GALNT13: variants seen among roughly 807,000 people sequenced by gnomAD.
GALNT13 encodes polypeptide N-acetylgalactosaminyltransferase 13.
A neutral mutation model predicts 64.2 loss-of-function variants in GALNT13; 28 were observed. The ratio of observed to expected loss-of-function variants is 0.44; its 90% CI spans 0.32 to 0.60. GALNT13 has a LOEUF of 0.60. GALNT13 is among the 20% of genes least tolerant of loss of function. The pLI, the probability that GALNT13 is intolerant of heterozygous loss-of-function variation, is 0.05. For synonymous variants in GALNT13, 214 were observed against 224.6 expected, an observed-to-expected ratio of 0.95 and a Z score of 0.42; for missense variants, 577 against 669.8, an observed-to-expected ratio of 0.86 and a Z score of 1.53.
chr2:153,910,236 G>A (rs1368958078), intron 2 of GALNT13, among the ~76,000 whole-genome samples: 2 of 151,976 alleles, frequency 1.3e-5, no homozygotes, highest in East Asian at 1.9e-4. Flanking sequence ...AGAGGTATTC[G>A]TAGTAGTCTC....
upstream of GALNT13, among the ~76,000 whole-genome samples, chr2:153,870,638 A>AAC (rs1217721769): frequency 1.3e-5 from 2 of 151,720 alleles, no homozygotes; most frequent in Non-Finnish European, 2.9e-5. Context: ...TACAGTTATT[A>AAC]ACATAGAAAT....
At chr2:154,429,017 C>T (rs982094563) in intron 11 of GALNT13, among the ~76,000 whole-genome samples, 1 of 151,906 alleles carries the variant, frequency 6.6e-6, no homozygotes, top group Non-Finnish European at 1.5e-5. Flanking sequence ...TCTGACTGCT[C>T]CACAGACTGG....
the GALNT13 span, among the ~76,000 whole-genome samples, chr2:153,706,230 C>T: frequency 6.6e-6 from 1 of 152,072 alleles, no homozygotes; most frequent in Non-Finnish European, 1.5e-5. Flanking sequence ...CTCCTCACCT[C>T]GTGATCCACC....
intron 4 of GALNT13, among the ~76,000 whole-genome samples, chr2:154,206,319 G>A (rs1370989589): frequency 6.6e-6 from 1 of 151,548 alleles, no homozygotes; most frequent in East Asian, 2.0e-4. Flanking sequence ...TATTATTTTT[G>A]TAGGAAAAAT....
the GALNT13 span, among the ~76,000 whole-genome samples, chr2:153,268,939 C>T: frequency 6.6e-6 from 1 of 152,198 alleles, no homozygotes; most frequent in Admixed American, 6.5e-5. Flanking sequence ...GGACCGTAAG[C>T]TAGACACATG....
At chr2:153,375,227 A>T in the GALNT13 span, among the ~76,000 whole-genome samples, 1 of 152,322 alleles carries the variant, frequency 6.6e-6, no homozygotes, top group African/African-American at 2.4e-5. Context: ...AGTGAAGTAT[A>T]ACTTATATTT....
chr2:153,572,902 A>G, the GALNT13 span, among the ~76,000 whole-genome samples: 3 of 151,988 alleles, frequency 2.0e-5, no homozygotes, highest in Non-Finnish European at 4.4e-5. Context: ...TAAGAAAAAG[A>G]ATGTGTATTC....
At chr2:154,215,035 A>G (rs948311856) in intron 4 of GALNT13, among the ~76,000 whole-genome samples, 2 of 152,340 alleles carry the variant, frequency 1.3e-5, no homozygotes, top group East Asian at 1.9e-4. Flanking sequence ...TATGTAAGCC[A>G]AAAGTTTCTG....
chr2:154,073,824 T>C (rs534054899), intron 3 of GALNT13, among the ~76,000 whole-genome samples: 1 of 151,942 alleles, frequency 6.6e-6, no homozygotes, highest in Non-Finnish European at 1.5e-5. Flanking sequence ...AGAATACTAT[T>C]CCAATTTCTA....
the GALNT13 span, chr2:153,478,668 C>A: frequency 7.3e-6 from 7 of 955,788 alleles, no homozygotes; most frequent in East Asian, 1.3e-4. Flanking sequence ...CGCAGACTAG[C>A]GCGTGCGAGG....
At chr2:153,572,326 T>G in the GALNT13 span, among the ~76,000 whole-genome samples, 1 of 151,680 alleles carries the variant, frequency 6.6e-6, no homozygotes, top group South Asian at 2.1e-4. Context: ...TGATTTTATT[T>G]ATTTGTATTT....
the GALNT13 span, among the ~76,000 whole-genome samples, chr2:153,248,368 T>C: frequency 6.6e-6 from 1 of 152,118 alleles, no homozygotes; most frequent in Non-Finnish European, 1.5e-5. Context: ...TCCACCACGA[T>C]CAAGTCAGCT....
the GALNT13 span, among the ~76,000 whole-genome samples, chr2:153,748,682 C>T: frequency 6.6e-6 from 1 of 151,978 alleles, no homozygotes; most frequent in African/African-American, 2.4e-5. Context: ...AATCCCTTGT[C>T]AGATGACTAG....
chr2:153,502,343 G>A, the GALNT13 span, among the ~76,000 whole-genome samples: 1 of 152,170 alleles, frequency 6.6e-6, no homozygotes, highest in African/African-American at 2.4e-5. Flanking sequence ...GCAATGTTTG[G>A]TTTTCCATTC....
At chr2:153,445,470 C>T in the GALNT13 span, among the ~76,000 whole-genome samples, 2,327 of 152,108 alleles carry the variant, frequency 0.015, 51 homozygotes, top group African/African-American at 0.052. Flanking sequence ...CTTGACCTTC[C>T]GGGCTCAGGT....
intron 3 of GALNT13, among the ~76,000 whole-genome samples, chr2:153,948,241 TA>T (rs34459679): frequency 0.77 from 113,959 of 147,962 alleles, 43,898 homozygotes; most frequent in East Asian, 0.96. Context: ...TTAATGGGAC[TA>T]AAAAAAAAAA....
At chr2:153,829,756 G>A in the GALNT13 span, among the ~76,000 whole-genome samples, 50 of 152,256 alleles carry the variant, frequency 3.3e-4, no homozygotes, top group African/African-American at 1.1e-3. Flanking sequence ...ATTTAACCTA[G>A]AAAATAAAGT....
the GALNT13 span, among the ~76,000 whole-genome samples, chr2:153,576,280 G>A: frequency 7.7e-3 from 1,164 of 152,150 alleles, 6 homozygotes; most frequent in African/African-American, 0.025. Context: ...TTAGTAGGTC[G>A]AGTGCCCCCC....
chr2:153,404,087 C>T, the GALNT13 span, among the ~76,000 whole-genome samples: 2 of 152,162 alleles, frequency 1.3e-5, no homozygotes, highest in Non-Finnish European at 2.9e-5. Flanking sequence ...CTGATGTAGG[C>T]TCATTGGTGT....
Sources: allele counts gnomAD v4.1 joint callset (sites outside exome capture counted in the v4.1 genomes callset), GRCh38; gene constraint gnomAD v4.1.1; transcripts MANE v1.5; gene names NCBI Gene and HGNC (gene_info 2026-07-23, HGNC 2026-07-21).